Variants in GPHN observed in about 807,000 individuals in gnomAD.
The protein encoded by GPHN is gephyrin.
Under a neutral mutation model 95.5 loss-of-function variants are expected in GPHN, and 17 were observed. That is an observed-to-expected ratio of 0.18 (90% CI 0.12 to 0.27). GPHN has a LOEUF of 0.27. GPHN is among the 10% of genes least tolerant of loss of function. The pLI, the probability that GPHN is intolerant of heterozygous loss-of-function variation, is 1.00. For missense variants in GPHN, 660 were observed against 978.1 expected (o/e 0.67, Z 4.34); for synonymous variants, 320 against 322.5 (o/e 0.99, Z 0.08).
At chr14:67,508,217 G>C in the GPHN span, among the ~76,000 whole-genome samples, 1 of 151,086 alleles carries the variant, frequency 6.6e-6, no homozygotes, top group Non-Finnish European at 1.5e-5. Flanking sequence ...TTGTTCCTTA[G>C]CTTCCAGTTT....
At chr14:66,751,499 G>A (rs1324690954) in intron 2 of GPHN, among the ~76,000 whole-genome samples, 1 of 152,174 alleles carries the variant, frequency 6.6e-6, no homozygotes, top group South Asian at 2.1e-4. Flanking sequence ...CTTTTGAGAA[G>A]TGTCTGTTCA....
At chr14:67,509,981 G>A in the GPHN span, among the ~76,000 whole-genome samples, 6 of 151,964 alleles carry the variant, frequency 3.9e-5, no homozygotes, top group African/African-American at 1.5e-4. Context: ...CTGCACTAAA[G>A]CCTGAGCAAC....
At chr14:67,562,350 G>C in the GPHN span, 30 of 1,613,710 alleles carry the variant, frequency 1.9e-5, no homozygotes, top group African/African-American at 2.7e-5. Context: ...GAGGATTCTA[G>C]TTCCAGCACG....
chr14:67,068,412 A>T (rs546445537), intron 11 of GPHN, among the ~76,000 whole-genome samples: 13 of 152,216 alleles, frequency 8.5e-5, no homozygotes, highest in Non-Finnish European at 1.5e-4. Flanking sequence ...ATAACTATGG[A>T]TGATAACATT....
At chr14:67,512,968 A>G in the GPHN span, among the ~76,000 whole-genome samples, 2 of 152,354 alleles carry the variant, frequency 1.3e-5, no homozygotes, top group Admixed American at 1.3e-4. Context: ...CTTTCCCTTT[A>G]GAAACAATAT....
chr14:66,858,636 A>G (rs954915254), intron 4 of GPHN, among the ~76,000 whole-genome samples: 2 of 151,982 alleles, frequency 1.3e-5, no homozygotes, highest in Non-Finnish European at 2.9e-5. Context: ...GCTTGAGAAA[A>G]GCAGAGAAAA....
chr14:66,512,676 A>G (rs1000756251), intron 1 of GPHN, among the ~76,000 whole-genome samples: 1 of 151,814 alleles, frequency 6.6e-6, no homozygotes, highest in Admixed American at 6.6e-5. Context: ...AAATGAGAAC[A>G]TCAAAATATT....
chr14:67,532,186 A>G, the GPHN span, among the ~76,000 whole-genome samples: 7 of 152,154 alleles, frequency 4.6e-5, no homozygotes, highest in Non-Finnish European at 1.0e-4. Context: ...CAAAACTTCT[A>G]CGTGAGAATG....
intron 12 of GPHN, among the ~76,000 whole-genome samples, chr14:67,099,216 T>TCTCCTGC (rs1279816417): frequency 6.6e-6 from 1 of 151,936 alleles, no homozygotes. Flanking sequence ...TTCAAGCAAT[T>TCTCCTGC]CTCCTGCCTC....
At chr14:67,286,850 G>A in the GPHN span, among the ~76,000 whole-genome samples, 1 of 135,830 alleles carries the variant, frequency 7.4e-6, no homozygotes, top group Non-Finnish European at 1.5e-5. Flanking sequence ...AGTGAGACCT[G>A]GTCTCAAAAA....
At chr14:67,335,398 T>TA in the GPHN span, 1 of 152,234 alleles carries the variant, frequency 6.6e-6, no homozygotes, top group Non-Finnish European at 1.5e-5. Flanking sequence ...GGGGAGGTCT[T>TA]ACCATTTAAT....
intron 2 of GPHN, among the ~76,000 whole-genome samples, chr14:66,775,930 A>T (rs2059365067): frequency 6.6e-6 from 1 of 152,146 alleles, no homozygotes; most frequent in Admixed American, 6.5e-5. Flanking sequence ...CAAATTACGT[A>T]AAAAAAGAAG....
chr14:66,808,642 C>CA (rs2060644574), intron 3 of GPHN, among the ~76,000 whole-genome samples: 1 of 152,070 alleles, frequency 6.6e-6, no homozygotes, highest in African/African-American at 2.4e-5. Context: ...AATAAAAATA[C>CA]AAAAATTAGC....
At chr14:67,577,983 G>T in the GPHN span, 1 of 1,584,278 alleles carries the variant, frequency 6.3e-7, no homozygotes, top group South Asian at 1.1e-5. Context: ...TGAACCCAGG[G>T]GATGCTGGTC....
Position 67,159,601 on chromosome 14 carries a change from A to G in GPHN, c.1910+113A>G, listed in dbSNP as rs1227149931. 9 of 765,504 alleles carry G rather than the reference A, an allele frequency of 1.2e-5. No homozygotes were observed. In the East Asian group the frequency reaches 2.2e-4, roughly 19 times the overall value. 47.4% of individuals were successfully genotyped at this position (765,504 alleles called of 1,614,324 possible). ...CCTATTATGAATTAACTATTCCAAA[A>G]AAAAAGAAATATAGTATTAGGATCC... On this transcript the variant is annotated intron_variant, in intron 19 of 22. Transcript: ENST00000478722.
chr14:67,213,540 A>G, the GPHN span, among the ~76,000 whole-genome samples: 1 of 151,940 alleles, frequency 6.6e-6, no homozygotes, highest in Non-Finnish European at 1.5e-5. Context: ...TATATGTGCC[A>G]CATTTTCTTA....
the GPHN span, chr14:67,646,729 C>G: frequency 6.2e-7 from 1 of 1,611,506 alleles, no homozygotes; most frequent in Non-Finnish European, 8.5e-7. Flanking sequence ...GACGTGGACC[C>G]TCCTGAACAG....
At chr14:66,722,246 TG>T (rs2153428534) in intron 2 of GPHN, among the ~76,000 whole-genome samples, 1 of 152,196 alleles carries the variant, frequency 6.6e-6, no homozygotes, top group African/African-American at 2.4e-5. Flanking sequence ...TCAAAATAAC[TG>T]ATAAAGGTAA....
chr14:66,616,498 G>A (rs1360786645), intron 1 of GPHN, among the ~76,000 whole-genome samples: 1 of 151,690 alleles, frequency 6.6e-6, no homozygotes, highest in East Asian at 2.0e-4. Flanking sequence ...ATTTGCTGGG[G>A]GTTCACTTCA....
Sources: allele counts gnomAD v4.1 joint callset (sites outside exome capture counted in the v4.1 genomes callset), GRCh38; gene constraint gnomAD v4.1.1; transcripts MANE v1.5; gene names NCBI Gene and HGNC (gene_info 2026-07-23, HGNC 2026-07-21).